The following ABLIM1 variants were observed in gnomAD, a reference collection of about 807,000 sequenced individuals.
ABLIM1 encodes actin binding LIM protein 1.
Under a neutral mutation model 107.0 loss-of-function variants are expected in ABLIM1, and 40 were observed. The observed-to-expected ratio is 0.37, with a 90% CI of 0.29 to 0.49. The LOEUF is 0.49. Among genes scored for constraint, ABLIM1 ranks in the 20% least tolerant of loss-of-function variants. The pLI, the probability that ABLIM1 is intolerant of heterozygous loss-of-function variation, is 0.97. For missense variants in ABLIM1, 857 were observed against 1,008.5 expected, an observed-to-expected ratio of 0.85 and a Z score of 2.04; for synonymous variants, 357 against 357.3, an observed-to-expected ratio of 1.00 and a Z score of 0.01.
At chr10:114,655,760 C>T (rs891945246) in intron 1 of ABLIM1, among the ~76,000 whole-genome samples, 1 of 152,104 alleles carries the variant, frequency 6.6e-6, no homozygotes, top group Admixed American at 6.6e-5. Context: ...TTCTTCATCC[C>T]CGCTCCCTGC....
chr10:114,775,487 G>A, the ABLIM1 span, among the ~76,000 whole-genome samples: 4 of 152,132 alleles, frequency 2.6e-5, no homozygotes, highest in African/African-American at 9.7e-5. Flanking sequence ...GCATATTTTA[G>A]AAAATGACTG....
intron 1 of ABLIM1, among the ~76,000 whole-genome samples, chr10:114,634,953 C>T (rs1250262437): frequency 6.6e-6 from 1 of 152,194 alleles, no homozygotes; most frequent in Non-Finnish European, 1.5e-5. Context: ...AGAACAGAAG[C>T]AAAGCATAGA....
intron 1 of ABLIM1, among the ~76,000 whole-genome samples, chr10:114,678,558 T>C (rs7091958): frequency 0.12 from 18,176 of 152,272 alleles, 1,177 homozygotes; most frequent in African/African-American, 0.17. Flanking sequence ...CATTTATTTA[T>C]GTATTGTCTA....
At chr10:114,605,150 C>A (rs2076320902) in intron 1 of ABLIM1, among the ~76,000 whole-genome samples, 2 of 152,206 alleles carry the variant, frequency 1.3e-5, no homozygotes, top group African/African-American at 4.8e-5. Flanking sequence ...TAGAGAAGGG[C>A]AGCATCCAAA....
chr10:114,445,208 C>A, intron 16 of ABLIM1, 104 bp downstream of exon 16: 1 of 1,024,172 alleles, frequency 9.8e-7, no homozygotes, highest in Non-Finnish European at 1.5e-6. Flanking sequence ...AGACTGGGAC[C>A]ACCTCTTGCC....
At chr10:114,477,508 A>G (rs1290174029) in intron 8 of ABLIM1, among the ~76,000 whole-genome samples, 1 of 152,176 alleles carries the variant, frequency 6.6e-6, no homozygotes, top group African/African-American at 2.4e-5. Context: ...AGTGTGGGGC[A>G]AGGATACTTT....
chr10:114,535,376 T>C (rs2065890667), intron 6 of ABLIM1, among the ~76,000 whole-genome samples: 1 of 152,164 alleles, frequency 6.6e-6, no homozygotes, highest in South Asian at 2.1e-4. Context: ...AGTTGCATGA[T>C]CTTGGCTCAC....
chr10:114,523,232 TTCTCTGTCTC>T (rs1443188674), intron 6 of ABLIM1, among the ~76,000 whole-genome samples: 1 of 152,144 alleles, frequency 6.6e-6, no homozygotes, highest in East Asian at 1.9e-4. Flanking sequence ...GATCTTTGGC[TTCTCTGTCTC>T]TCACTACGGC....
At chr10:114,590,084 A>G (rs2074689693) in intron 2 of ABLIM1, among the ~76,000 whole-genome samples, 1 of 152,134 alleles carries the variant, frequency 6.6e-6, no homozygotes, top group Non-Finnish European at 1.5e-5. Context: ...AATACTTACC[A>G]TTGGGTTACA....
intron 6 of ABLIM1, among the ~76,000 whole-genome samples, chr10:114,544,592 T>A (rs1223094619): frequency 3.3e-5 from 5 of 152,144 alleles, no homozygotes; most frequent in Admixed American, 3.3e-4. Context: ...TTTCTTAGCT[T>A]CCATTCTGAG....
chr10:114,746,747 TTC>T (rs2082393806), intron 1 of ABLIM1, among the ~76,000 whole-genome samples: 1 of 152,234 alleles, frequency 6.6e-6, no homozygotes, highest in South Asian at 2.1e-4. Context: ...ATAACAGCTA[TTC>T]TAACAGGTGT....
chr10:114,483,268 G>T (rs752304429), intron 8 of ABLIM1, among the ~76,000 whole-genome samples: 1 of 152,096 alleles, frequency 6.6e-6, no homozygotes, highest in Non-Finnish European at 1.5e-5. Flanking sequence ...TGCTGTATCT[G>T]TCCATTTTTG....
chr10:114,748,026 C>T (rs753525526), intron 1 of ABLIM1, among the ~76,000 whole-genome samples: 1 of 151,884 alleles, frequency 6.6e-6, no homozygotes, highest in Non-Finnish European at 1.5e-5. Context: ...GGTGATAGAG[C>T]GATACTTCAT....
At chr10:114,560,351 T>C (rs2069508186) in intron 4 of ABLIM1, among the ~76,000 whole-genome samples, 1 of 152,224 alleles carries the variant, frequency 6.6e-6, no homozygotes, top group African/African-American at 2.4e-5. Flanking sequence ...CACATAATGA[T>C]GTTTGGGTCA....
intron 1 of ABLIM1, among the ~76,000 whole-genome samples, chr10:114,728,516 T>TAA (rs10628347): frequency 0.14 from 12,624 of 90,396 alleles, 1,060 homozygotes; most frequent in East Asian, 0.43. Context: ...GATAAGGCAG[T>TAA]AAAAAAAAAA....
At chr10:114,780,760 G>A in the ABLIM1 span, among the ~76,000 whole-genome samples, 1 of 152,086 alleles carries the variant, frequency 6.6e-6, no homozygotes. Context: ...CTCTTAGGTT[G>A]TTCTTTTCTA....
chr10:114,610,249 C>A (rs373438037), intron 1 of ABLIM1, among the ~76,000 whole-genome samples: 1 of 152,210 alleles, frequency 6.6e-6, no homozygotes, highest in Non-Finnish European at 1.5e-5. Flanking sequence ...CAAGGAAACA[C>A]GACACACCAT....
Position 114,432,791 on chromosome 10 carries a change from C to G in ABLIM1, c.*3469G>C, listed in dbSNP as rs1009448350. On this transcript the variant is annotated 3_prime_UTR_variant, in exon 23 of 23. Coordinates refer to ENST00000533213, the MANE Select transcript of ABLIM1 (RefSeq NM_002313.7). The stretch of plus-strand genomic sequence containing the variant: ...CCCATGACAGATAGAAAACTACCCC[C>G]ATTTAAAAAAAAACAACAACTCATT... The G allele has an allele frequency of 6.6e-6, 1 of 151,834 alleles. No homozygotes were observed. The highest frequency in any genetic ancestry group is 1.5e-5 in the Non-Finnish European group (1 of 67,960). 9.4% of individuals were successfully genotyped at this position (151,834 alleles called of 1,614,324 possible).
chr10:114,473,368 T>C (rs1185330836), intron 9 of ABLIM1, among the ~76,000 whole-genome samples: 1 of 152,142 alleles, frequency 6.6e-6, no homozygotes, highest in Non-Finnish European at 1.5e-5. Flanking sequence ...ATTCATGAAA[T>C]AGATAAATGT....
Sources: gnomAD v4.1 joint callset for allele counts (sites outside exome capture counted in the v4.1 genomes callset) on GRCh38, gnomAD v4.1.1 for gene constraint, MANE v1.5 for transcripts, NCBI Gene and HGNC (gene_info 2026-07-23, HGNC 2026-07-21) for gene names.